The following FOLH1 variants were observed in gnomAD, a reference collection of about 807,000 sequenced individuals.
FOLH1 encodes glutamate carboxypeptidase 2.
In FOLH1, 54 loss-of-function variants were observed where a neutral mutation model predicts 93.9. The ratio of observed to expected loss-of-function variants is 0.57; its 90% CI spans 0.46 to 0.72. The LOEUF is 0.72. FOLH1 is among the 30% of genes least tolerant of loss of function. The pLI, the probability that FOLH1 is intolerant of heterozygous loss-of-function variation, is 0.00. For synonymous variants in FOLH1, 249 were observed against 303.6 expected (o/e 0.82, Z 1.87); for missense variants, 571 against 892.5 (o/e 0.64, Z 4.59).
chr11:49,156,974 A>G (rs965505119), intron 14 of FOLH1, among the ~76,000 whole-genome samples, 167 bp from the exon 15 acceptor site: 7 of 152,144 alleles, frequency 4.6e-5, no homozygotes, highest in African/African-American at 1.7e-4. Flanking sequence ...TTGATCACAA[A>G]ATATCTCCTT....
chr11:49,168,174 T>C (rs1353812094), intron 12 of FOLH1, among the ~76,000 whole-genome samples: 3 of 151,286 alleles, frequency 2.0e-5, no homozygotes, highest in Non-Finnish European at 4.4e-5. Context: ...AAACAAATAA[T>C]TACTTAATAA....
intron 17 of FOLH1, among the ~76,000 whole-genome samples, chr11:49,152,325 A>T (rs1856584882): frequency 6.6e-6 from 1 of 152,112 alleles, no homozygotes. Context: ...AAAGCACAGG[A>T]CTCTGTGACA....
intron 2 of FOLH1, among the ~76,000 whole-genome samples, chr11:49,204,741 C>CA (rs1863679080): frequency 6.6e-6 from 1 of 152,078 alleles, no homozygotes; most frequent in African/African-American, 2.4e-5. Flanking sequence ...TATATGTGTG[C>CA]ACATCTATGC....
intron 4 of FOLH1, among the ~76,000 whole-genome samples, chr11:49,190,231 A>G (rs1013230023): frequency 6.6e-6 from 1 of 152,202 alleles, no homozygotes; most frequent in Non-Finnish European, 1.5e-5. Flanking sequence ...CAATCCTCAC[A>G]AAACAAACTG....
chr11:49,193,270 A>G (rs1419552237), intron 3 of FOLH1, among the ~76,000 whole-genome samples: 1 of 152,248 alleles, frequency 6.6e-6, no homozygotes, highest in African/African-American at 2.4e-5. Context: ...TAAACTGTGT[A>G]CTGATAGAAG....
chr11:49,162,530 C>CA (rs1857823323), intron 13 of FOLH1, among the ~76,000 whole-genome samples: 1 of 152,190 alleles, frequency 6.6e-6, no homozygotes, highest in Non-Finnish European at 1.5e-5. Context: ...AATTGGGTTA[C>CA]AACACGCTCC....
intron 13 of FOLH1, among the ~76,000 whole-genome samples, chr11:49,159,647 ATTAG>A (rs1401508610): frequency 1.3e-5 from 2 of 152,200 alleles, no homozygotes; most frequent in African/African-American, 4.8e-5. Flanking sequence ...GCCTCATAGA[ATTAG>A]TTAGGGAGGA....
chr11:49,206,715 G>C (rs964610446), intron 1 of FOLH1: 1 of 1,504,760 alleles, frequency 6.6e-7, no homozygotes, highest in Non-Finnish European at 8.9e-7. Flanking sequence ...GAGAGTTTGC[G>C]TTTCCAGTGA....
At chr11:49,167,831 CA>C (rs1858600682) in intron 12 of FOLH1, among the ~76,000 whole-genome samples, 1 of 143,754 alleles carries the variant, frequency 7.0e-6, no homozygotes, top group Admixed American at 7.1e-5. Flanking sequence ...AGCAGACAAA[CA>C]AAAAAACAGA....
At chr11:49,152,041 T>A (rs879873606) in intron 17 of FOLH1, among the ~76,000 whole-genome samples, 2 of 152,180 alleles carry the variant, frequency 1.3e-5, no homozygotes, top group African/African-American at 4.8e-5. Context: ...AATCAAATTA[T>A]ATTTACAATT....
chr11:49,184,759 G>C (rs913417471), intron 6 of FOLH1, among the ~76,000 whole-genome samples: 1 of 152,186 alleles, frequency 6.6e-6, no homozygotes, highest in African/African-American at 2.4e-5. Flanking sequence ...TAAAAATTTA[G>C]TTAGCTTTAA....
chr11:49,169,184 A>G lies in FOLH1; in HGVS notation c.1372+11T>C, dbSNP rs754427659. 5 of 1,612,630 alleles carry G rather than the reference A, an allele frequency of 3.1e-6. No homozygotes were observed. Among genetic ancestry groups the G allele is most frequent in the Admixed American group, 3.3e-5 (2 of 59,982 alleles). On this transcript the variant is annotated intron_variant, in intron 12 of 18. Transcript: ENST00000256999. ...AATCACATCTTTTCTTATGAGACCA[A>G]CGATATTCACCTTCTATAGATGAGT... is the stretch of plus-strand genomic sequence containing the variant.
chr11:49,154,364 C>T lies in FOLH1; in HGVS notation c.1752G>A (p.Val584=), dbSNP rs1331983903. 6.2e-6 allele frequency: 10 copies of T among 1,613,316 alleles called. No individual in the cohort carries two copies. The highest frequency in any genetic ancestry group is 5.1e-6 in the Non-Finnish European group (6 of 1,179,634). Residue 584 remains valine, a synonymous_variant, in exon 16 of 19, where the codon GTG becomes GTA. Coordinates refer to ENST00000256999, the MANE Select transcript of FOLH1 (RefSeq NM_004476.3). ...GCACTATGGAATTGGCTAGCTCAAACACCATCCCTCCTCGAACCTGGGCCA... is the reference window on the plus strand; with the variant it reads ...GCACTATGGAATTGGCTAGCTCAAATACCATCCCTCCTCGAACCTGGGCCA... ...LTVAQVRGGM[V]FELANSIVLP... is the part of the protein sequence containing the mutation.
chr11:49,171,170 A>T (rs769738148), intron 11 of FOLH1, 25 bp downstream of exon 11: 2 of 1,553,800 alleles, frequency 1.3e-6, no homozygotes, highest in Admixed American at 1.9e-5. Context: ...ATAAAAATTT[A>T]TATTATAGCA....
chr11:49,202,160 G>C (rs755333691), intron 2 of FOLH1, among the ~76,000 whole-genome samples: 137 of 152,260 alleles, frequency 9.0e-4, no homozygotes, highest in Non-Finnish European at 1.4e-3. Flanking sequence ...GAACATCACT[G>C]TCTCACTACT....
At chr11:49,205,793 G>A (rs890513197) in intron 2 of FOLH1, among the ~76,000 whole-genome samples, 21 of 152,294 alleles carry the variant, frequency 1.4e-4, no homozygotes, top group Non-Finnish European at 2.9e-5. Flanking sequence ...CTTTTGTGCT[G>A]CAATAGCAGA....
At position 49,208,350 on chromosome 11, in the gene FOLH1, C is replaced by G. The variant is rs1329094176; in HGVS notation, c.60G>C (p.Trp20Cys). The G allele has an allele frequency of 6.2e-7, 1 of 1,600,784 alleles. No homozygotes were observed. The highest frequency in any genetic ancestry group is 8.5e-7 in the Non-Finnish European group (1 of 1,172,618). The part of the protein sequence containing the change: ...SAVATARRPR[W>C]LCAGALVLAG... ...CCAGCACCAGCGCCCCAGCGCACAG[C>G]CAGCGCGGGCGGCGCGCGGTGGCCA... The change falls in exon 1 of 19, where the codon TGG becomes TGC. Residue 20 changes from tryptophan to cysteine, a missense_variant. By Grantham distance (215) the Trp-to-Cys change is radical. Around this residue, in one of 2 missense-constraint regions of FOLH1, gnomAD observed 71 missense variants for 69.6 expected, o/e 1.02. Coordinates refer to ENST00000256999, the MANE Select transcript of FOLH1 (RefSeq NM_004476.3).
intron 17 of FOLH1, among the ~76,000 whole-genome samples, chr11:49,149,313 C>T (rs551577317): frequency 6.6e-6 from 1 of 152,118 alleles, no homozygotes; most frequent in East Asian, 1.9e-4. Context: ...TTAAGTACAG[C>T]GTTCTTGGAG....
Position 49,153,880 on chromosome 11 carries a change from A to G in FOLH1, c.1936T>C (p.Phe646Leu). 1 of 1,607,204 alleles carries G rather than the reference A, an allele frequency of 6.2e-7. No homozygotes were observed. The highest frequency in any genetic ancestry group is 8.5e-7 in the Non-Finnish European group (1 of 1,176,786). ...VKNFTEIASK[F>L]SERLQDFDKS... ...TCAAAGTCCTGGAGTCTCTCACTGA[A>G]CTTGGAAGCAATTTCTGTAAAATTC... Residue 646 changes from phenylalanine (F) to leucine (L), a missense_variant, in exon 17 of 19, where the codon TTC becomes CTC. Physicochemically the swap from Phe to Leu is conservative, Grantham distance 22. Transcript: ENST00000256999.
Sources: gnomAD v4.1 joint callset for allele counts (sites outside exome capture counted in the v4.1 genomes callset) on GRCh38, gnomAD v4.1.1 for gene constraint, gnomAD v4.1.1 regional missense constraint, MANE v1.5 for transcripts, NCBI Gene and HGNC (gene_info 2026-07-23, HGNC 2026-07-21) for gene names.